Variants in ABCB8 observed in about 807,000 individuals in gnomAD.
ABCB8 encodes the protein ATP binding cassette subfamily B member 8.
In ABCB8, 52 loss-of-function variants were observed where a neutral mutation model predicts 73.0. The ratio of observed to expected loss-of-function variants is 0.71; its 90% CI spans 0.57 to 0.90. ABCB8 has a LOEUF of 0.90. Ranked by LOEUF, ABCB8 falls within the 40% of genes least tolerant of loss-of-function variation. The pLI is 0.00. For missense variants in ABCB8, 909 were observed against 974.6 expected (o/e 0.93, Z 0.90); for synonymous variants, 428 against 423.5 (o/e 1.01, Z -0.13).
At chr7:151,037,447 G>T in intron 9 of ABCB8, 1 of 657,054 alleles carries the variant, frequency 1.5e-6, no homozygotes, top group Non-Finnish European at 2.8e-6. Flanking sequence ...GCTCAGCTGA[G>T]CCTCTGGGAT....
At position 151,043,342 on chromosome 7, in the gene ABCB8, G is replaced by A. The variant is rs144269428; in HGVS notation, c.1766-629G>A. Among the ~76,000 whole-genome samples, 872 of 152,272 alleles carry A rather than the reference G, an allele frequency of 5.7e-3. 11 individuals carry two copies. The highest frequency in any genetic ancestry group is 0.02 in the African/African-American group (829 of 41,504). On this transcript the variant is annotated intron_variant, in intron 14 of 15. Coordinates refer to ENST00000358849, the MANE Select transcript of ABCB8 (RefSeq NM_007188.5). ...GTGCACAGTGGCTGAGGGACCCAGA[G>A]GTGGGATGAGCCAGTGCAGGGGGAA... is the stretch of plus-strand genomic sequence containing the variant.
chr7:151,040,834 C>G lies in ABCB8; in HGVS notation c.1395C>G (p.Pro465=). The G allele has an allele frequency of 1.3e-6, 2 of 1,593,650 alleles. No individual in the cohort carries two copies. Among genetic ancestry groups the G allele is most frequent in the Non-Finnish European group, 8.5e-7 (1 of 1,170,308 alleles). ...VTFQNVCFSY[P]CRPGFEVLKD... ...GTCTCTCGGCTCCTCCCAGCTACCCCTGCCGCCCCGGCTTCGAGGTGCTGA... is the reference window on the plus strand; with the variant it reads ...GTCTCTCGGCTCCTCCCAGCTACCCGTGCCGCCCCGGCTTCGAGGTGCTGA... The change falls in exon 12 of 16, where the codon CCC becomes CCG. Residue 465 remains proline, a synonymous_variant. Coordinates refer to ENST00000358849, the MANE Select transcript of ABCB8 (RefSeq NM_007188.5).
chr7:151,032,693 CA>C (rs372624691), intron 1 of ABCB8, among the ~76,000 whole-genome samples: 9,939 of 94,602 alleles, frequency 0.11, 317 homozygotes, highest in African/African-American at 0.15. Context: ...GACTCTGTCT[CA>C]AAAAAAAAAA....
At chr7:151,037,277 G>C in intron 9 of ABCB8, 1 of 702,880 alleles carries the variant, frequency 1.4e-6, no homozygotes, top group East Asian at 2.7e-5. Context: ...ATTCCCTTCC[G>C]CTGCAGGCTG....
At chr7:151,041,364 T>C (rs1221128220) in intron 13 of ABCB8, 132 bp downstream of exon 13, 2 of 1,250,386 alleles carry the variant, frequency 1.6e-6, no homozygotes, top group East Asian at 5.2e-5. Context: ...CCTGGCCGTC[T>C]TCACATGTCC....
rs1796601543 is a variant in ABCB8, at chr7:151,045,964, G to C, written c.*615G>C. 1 of 152,312 alleles carries C rather than the reference G, an allele frequency of 6.6e-6. No individual in the cohort carries two copies. The highest frequency in any genetic ancestry group is 2.4e-5 in the African/African-American group (1 of 41,434). 9.4% of individuals were successfully genotyped at this position (152,312 alleles called of 1,614,324 possible). ...CTCCCTGCACAGTGAACACAGTCCT[G>C]ATTTCTAGATTTCACCTCCCCTCCC... On this transcript the variant is annotated 3_prime_UTR_variant, in exon 16 of 16. Coordinates refer to ENST00000358849, the MANE Select transcript of ABCB8 (RefSeq NM_007188.5).
chr7:151,036,941 G>A, intron 9 of ABCB8: 1 of 710,892 alleles, frequency 1.4e-6, no homozygotes, highest in Middle Eastern at 2.3e-4. Context: ...TTCAACTGTG[G>A]TAAAGTACAC....
rs1387592190 is a variant in ABCB8 at position 151,044,135 on chromosome 7, C to T, written c.1930C>T (p.Arg644Cys). 21 of 1,613,846 alleles carry T rather than the reference C, an allele frequency of 1.3e-5. No homozygotes were observed. Among genetic ancestry groups the T allele is most frequent in the East Asian group, 1.1e-4 (5 of 44,896 alleles). Residue 644 changes from arginine (R) to cysteine (C), a missense_variant, in exon 15 of 16, where the codon CGC becomes TGC. Transcript: ENST00000358849. ...GGCCCTGGACCGGGCCAGTGCAGGC[C>T]GCACGGTGCTGGTAATTGCCCACCG... Reference protein sequence around the residue: ...QEALDRASAGRTVLVIAHRLS... With the variant: ...QEALDRASAGCTVLVIAHRLS...
chr7:151,045,414 G>A lies in ABCB8; in HGVS notation c.*65G>A, dbSNP rs1796589008. On this transcript the variant is annotated 3_prime_UTR_variant, in exon 16 of 16. Coordinates refer to ENST00000358849, the MANE Select transcript of ABCB8 (RefSeq NM_007188.5). ...GTTAGGGCTGGGGCTCAGCCTGGGGGAGCCTACTGGGGACTGAGCCCCCAG... is the reference window on the plus strand; with the variant it reads ...GTTAGGGCTGGGGCTCAGCCTGGGGAAGCCTACTGGGGACTGAGCCCCCAG... 7.1e-7 allele frequency: 1 copy of A among 1,408,412 alleles called. No homozygotes were observed. The highest frequency in any genetic ancestry group is 9.3e-7 in the Non-Finnish European group (1 of 1,076,356). 87.2% of individuals were successfully genotyped at this position (1,408,412 alleles called of 1,614,324 possible).
rs2303926 is a variant in ABCB8 at position 151,035,938 on chromosome 7, T to A, written c.984T>A (p.Arg328=). 0.33 allele frequency: 527,771 copies of A among 1,613,484 alleles called. 87,846 individuals carry two copies. The highest frequency in any genetic ancestry group is 0.38 in the South Asian group (34,839 of 91,084). The stretch of plus-strand genomic sequence containing the variant: ...CCCTGGGCAATGTGCGGACTGTGCG[T>A]GCCTTCGCCATGGAGCAACGGGAAG... ...DEALGNVRTV[R]AFAMEQREEE... is the part of the protein sequence containing the mutation. The change falls in exon 7 of 16, where the codon CGT becomes CGA. Residue 328 remains arginine, a synonymous_variant. Coordinates refer to ENST00000358849, the MANE Select transcript of ABCB8 (RefSeq NM_007188.5).
In ABCB8 at chr7:151,028,488, C is replaced by A; in HGVS notation, c.-28C>A. The A allele has an allele frequency of 6.2e-7, 1 of 1,600,768 alleles. No individual in the cohort carries two copies. The highest frequency in any genetic ancestry group is 8.5e-7 in the Non-Finnish European group (1 of 1,174,008). On this transcript the variant is annotated 5_prime_UTR_variant, in exon 1 of 16. Coordinates refer to ENST00000358849, the MANE Select transcript of ABCB8 (RefSeq NM_007188.5). ...TGGGATGAGGGTGAAACTGCTATTG[C>A]CGGCGGCTCCTGTTTTACCGCGTCA...
At chr7:151,036,283 G>A (rs1474782454) in intron 8 of ABCB8, 113 bp downstream of exon 8, 12 of 1,118,490 alleles carry the variant, frequency 1.1e-5, no homozygotes, top group East Asian at 2.6e-5. Flanking sequence ...CATTCGCCTC[G>A]GGCCAGCTGC....
intron 1 of ABCB8, among the ~76,000 whole-genome samples, chr7:151,030,893 T>C (rs1240406624): frequency 2.0e-5 from 3 of 152,216 alleles, no homozygotes; most frequent in Non-Finnish European, 2.9e-5. Context: ...TCAGCCAGCA[T>C]AGCACCACTG....
chr7:151,038,596 G>A (rs1003221429), intron 9 of ABCB8: 2 of 151,824 alleles, frequency 1.3e-5, no homozygotes, highest in African/African-American at 4.8e-5. Context: ...TCTCCCTGTG[G>A]GGAGGGTGGC....
chr7:151,040,207 T>C, intron 9 of ABCB8, 61 bp from the exon 10 acceptor site: 1 of 1,584,140 alleles, frequency 6.3e-7, no homozygotes, highest in South Asian at 1.2e-5. Flanking sequence ...CGTGGCTTCC[T>C]TCCCCTCCTC....
chr7:151,045,756 T>G lies in ABCB8; in HGVS notation c.*407T>G, dbSNP rs1203845705. 1 of 164,516 alleles carries G rather than the reference T, an allele frequency of 6.1e-6. No homozygotes were observed. Among genetic ancestry groups the G allele is most frequent in the Admixed American group, 6.4e-5 (1 of 15,624 alleles). The allele number at this position is 164,516 out of a possible 1,614,324, so 10.2% of individuals were successfully genotyped here. On this transcript the variant is annotated 3_prime_UTR_variant, in exon 16 of 16. Coordinates refer to ENST00000358849, the MANE Select transcript of ABCB8 (RefSeq NM_007188.5). Reference sequence around the variant, plus strand: ...TCCAGGGAATTTTTAAAAATCAGGGTCTGGAAGTGGGCCTGGGAATTCAAA... The same window carrying G: ...TCCAGGGAATTTTTAAAAATCAGGGGCTGGAAGTGGGCCTGGGAATTCAAA...
chr7:151,032,151 C>T (rs2117203889), intron 1 of ABCB8, among the ~76,000 whole-genome samples: 1 of 152,298 alleles, frequency 6.6e-6, no homozygotes, highest in East Asian at 1.9e-4. Flanking sequence ...CTGCCTAGAG[C>T]TCTCCCCTTT....
At position 151,044,221 on chromosome 7, in the gene ABCB8, GGTTA is replaced by G; in HGVS notation, c.2016+4_2016+7del. 6.3e-7 allele frequency: 1 copy of G among 1,597,292 alleles called. No homozygotes were observed. The highest frequency in any genetic ancestry group is 8.6e-7 in the Non-Finnish European group (1 of 1,166,840). On this transcript the variant is annotated splice_donor_variant and splice_donor_region_variant and intron_variant, in intron 15 of 15. Transcript: ENST00000358849. LOFTEE classifies it high-confidence loss of function. ...TCATGGCCGATGGCCGTGTCTGGGA[GGTTA>G]GTTGTCCTGGGGGCGTGGATCAGTG...
rs1389685106 is a variant in ABCB8 at position 151,045,452 on chromosome 7, G to T, written c.*103G>T. 3 of 1,321,164 alleles carry T rather than the reference G, an allele frequency of 2.3e-6. No individual in the cohort carries two copies. Among genetic ancestry groups the T allele is most frequent in the Non-Finnish European group, 2.9e-6 (3 of 1,023,690 alleles). The allele number at this position is 1,321,164 out of a possible 1,614,324, so 81.8% of individuals were successfully genotyped here. On this transcript the variant is annotated 3_prime_UTR_variant, in exon 16 of 16. Transcript: ENST00000358849. ...ACTGAGCCCCCAGGAGGGCCAGCAT[G>T]TGGAGAGTCGCTGCGGCTGCTCCTG...
Sources: allele counts gnomAD v4.1 joint callset (sites outside exome capture counted in the v4.1 genomes callset), GRCh38; gene constraint gnomAD v4.1.1; transcripts MANE v1.5; gene names NCBI Gene and HGNC (gene_info 2026-07-23, HGNC 2026-07-21).